The following RALGPS1 variants were observed in gnomAD, a reference collection of about 807,000 sequenced individuals.
The protein encoded by RALGPS1 is ras-specific guanine nucleotide-releasing factor RalGPS1.
Under a neutral mutation model 78.8 loss-of-function variants are expected in RALGPS1, and 19 were observed. That is an observed-to-expected ratio of 0.24 (90% CI 0.17 to 0.35). The LOEUF (loss-of-function observed/expected upper bound fraction) is 0.35, where lower values mean the gene tolerates loss of function less well. RALGPS1 is among the 10% of genes least tolerant of loss of function. The pLI is 1.00. For synonymous variants in RALGPS1, 228 were observed against 256.3 expected (o/e 0.89, Z 1.06); for missense variants, 454 against 688.3 (o/e 0.66, Z 3.81).
intron 14 of RALGPS1, among the ~76,000 whole-genome samples, chr9:127,204,337 T>G (rs2061815213): frequency 6.6e-6 from 1 of 152,096 alleles, no homozygotes. Context: ...GCTAGCTTTT[T>G]TATTTTCATT....
At chr9:127,100,508 G>A (rs1177515151) in intron 8 of RALGPS1, among the ~76,000 whole-genome samples, 1 of 152,202 alleles carries the variant, frequency 6.6e-6, no homozygotes, top group African/African-American at 2.4e-5. Flanking sequence ...TTAAAAAAGA[G>A]TTTAGAAGGG....
At chr9:126,970,540 C>T (rs1220672330) in intron 3 of RALGPS1, among the ~76,000 whole-genome samples, 1 of 151,994 alleles carries the variant, frequency 6.6e-6, no homozygotes, top group Non-Finnish European at 1.5e-5. Context: ...ATGCTGCGTA[C>T]CTAAGAAATT....
Position 127,069,239 on chromosome 9 carries a change from C to T in RALGPS1, c.493C>T (p.Arg165Ter). 3 of 1,605,790 alleles carry T rather than the reference C, an allele frequency of 1.9e-6. No homozygotes were observed. The highest frequency in any genetic ancestry group is 2.6e-6 in the Non-Finnish European group (3 of 1,173,806). ...TTTCTTCTCATTCTAGCTTTTAAAT[C>T]GAAAAGACAAGACTACCTTTGAGAA... is the stretch of plus-strand genomic sequence containing the variant. ...RLTKTWALLNRKDKTTFEKLD... is the reference protein window; with the variant it reads ...RLTKTWALLN Residue 165 changes from arginine (R) to a stop codon, truncating the protein, a stop_gained, in exon 8 of 19, where the codon CGA (arginine) becomes TGA (stop). Transcript: ENST00000259351. LOFTEE classifies it high-confidence loss of function.
chr9:127,029,015 T>C (rs1473328768), intron 4 of RALGPS1, among the ~76,000 whole-genome samples: 1 of 152,028 alleles, frequency 6.6e-6, no homozygotes, highest in African/African-American at 2.4e-5. Flanking sequence ...TTACTCCTGC[T>C]TGGGCCTCTA....
At chr9:127,092,405 C>T (rs986702872) in intron 8 of RALGPS1, among the ~76,000 whole-genome samples, 2 of 152,118 alleles carry the variant, frequency 1.3e-5, no homozygotes, top group Non-Finnish European at 2.9e-5. Context: ...GTGTCCCATC[C>T]ACCGGCGCTC....
intron 13 of RALGPS1, among the ~76,000 whole-genome samples, chr9:127,196,874 A>G (rs2061375919): frequency 6.6e-6 from 1 of 152,192 alleles, no homozygotes; most frequent in African/African-American, 2.4e-5. Context: ...TGCTGGTGGC[A>G]TGGCAGGCAG....
intron 8 of RALGPS1, among the ~76,000 whole-genome samples, chr9:127,154,862 G>A (rs183210066): frequency 1.3e-4 from 20 of 152,304 alleles, no homozygotes; most frequent in Admixed American, 1.2e-3. Flanking sequence ...CGTTTGGGGA[G>A]CCTTTCTGTG....
intron 1 of RALGPS1, among the ~76,000 whole-genome samples, chr9:126,953,962 A>G (rs1402103896): frequency 1.3e-5 from 2 of 152,160 alleles, no homozygotes; most frequent in African/African-American, 4.8e-5. Flanking sequence ...TCATGCCCCA[A>G]CATGCTGGTA....
intron 8 of RALGPS1, among the ~76,000 whole-genome samples, chr9:127,083,955 G>A (rs1350374841): frequency 1.3e-5 from 2 of 151,666 alleles, no homozygotes; most frequent in African/African-American, 2.4e-5. Context: ...TTTTGCCCAG[G>A]CCTGGAGTGT....
At chr9:127,045,525 T>C (rs2047674278) in intron 5 of RALGPS1, among the ~76,000 whole-genome samples, 1 of 152,126 alleles carries the variant, frequency 6.6e-6, no homozygotes. Flanking sequence ...GAGAGTATAA[T>C]GAAATGGATG....
intron 10 of RALGPS1, among the ~76,000 whole-genome samples, chr9:127,171,076 C>G (rs992938200): frequency 6.6e-6 from 1 of 152,246 alleles, no homozygotes; most frequent in African/African-American, 2.4e-5. Context: ...CCCCCATCTG[C>G]TTTGGAGATG....
intron 7 of RALGPS1, among the ~76,000 whole-genome samples, chr9:127,060,509 CTGTTGTTGTTGT>C (rs35010607): frequency 0.024 from 3,639 of 150,854 alleles, 48 homozygotes; most frequent in Middle Eastern, 0.048. Flanking sequence ...TAAGTATTAC[CTGTTGTTGTTGT>C]TGTTGTTGTT....
chr9:127,053,615 G>A (rs1397692611), intron 7 of RALGPS1, among the ~76,000 whole-genome samples: 6 of 152,112 alleles, frequency 3.9e-5, no homozygotes, highest in African/African-American at 1.2e-4. Flanking sequence ...GCCACACAGC[G>A]CAAGCCTTTT....
chr9:127,214,642 G>A, intron 17 of RALGPS1, 109 bp from the exon 18 acceptor site: 2 of 1,483,508 alleles, frequency 1.3e-6, no homozygotes, highest in Non-Finnish European at 1.8e-6. Context: ...CTCACCTGGG[G>A]CCGACCTTCC....
intron 11 of RALGPS1, among the ~76,000 whole-genome samples, chr9:127,180,904 C>T (rs749239902): frequency 5.3e-5 from 8 of 152,338 alleles, no homozygotes; most frequent in Middle Eastern, 3.4e-3. Flanking sequence ...AAGCGGGGGG[C>T]GCAGAACACT....
At chr9:127,198,194 T>C (rs2061441285) in intron 13 of RALGPS1, among the ~76,000 whole-genome samples, 1 of 152,222 alleles carries the variant, frequency 6.6e-6, no homozygotes. Context: ...TTTGTGCATG[T>C]GCCCTGTTGG....
chr9:126,986,372 A>G (rs763198841), intron 4 of RALGPS1, among the ~76,000 whole-genome samples: 6 of 152,160 alleles, frequency 3.9e-5, no homozygotes, highest in African/African-American at 4.8e-5. Flanking sequence ...GTGGCCTAGA[A>G]CCCCATTGCC....
At chr9:127,048,982 G>A (rs2048057108) in intron 5 of RALGPS1, among the ~76,000 whole-genome samples, 1 of 152,176 alleles carries the variant, frequency 6.6e-6, no homozygotes, top group Non-Finnish European at 1.5e-5. Context: ...TATTTGAAAA[G>A]TGATGGTATT....
chr9:127,034,305 A>C (rs1212874048), intron 4 of RALGPS1, 126 bp from the exon 5 acceptor site: 1 of 791,346 alleles, frequency 1.3e-6, no homozygotes, highest in African/African-American at 1.7e-5. Context: ...CACCTAGTAA[A>C]GATGGGAACA....
Sources: gnomAD v4.1 joint callset for allele counts (sites outside exome capture counted in the v4.1 genomes callset) on GRCh38, gnomAD v4.1.1 for gene constraint, MANE v1.5 for transcripts, NCBI Gene and HGNC (gene_info 2026-07-23, HGNC 2026-07-21) for gene names.